KSR2: variants seen among roughly 807,000 people sequenced by gnomAD.
KSR2 encodes the protein kinase suppressor of ras 2.
A neutral mutation model predicts 107.8 loss-of-function variants in KSR2; 25 were observed. The observed-to-expected ratio is 0.23, with a 90% CI of 0.17 to 0.32. The LOEUF (loss-of-function observed/expected upper bound fraction) is 0.32, where lower values mean the gene tolerates loss of function less well. KSR2 is among the 10% of genes least tolerant of loss of function. KSR2 has a pLI of 1.00. For missense variants in KSR2, 887 were observed against 1,268.9 expected (o/e 0.70, Z 4.57); for synonymous variants, 480 against 507.0 (o/e 0.95, Z 0.71).
At chr12:117,549,216 G>T (rs1471146427) in intron 9 of KSR2, among the ~76,000 whole-genome samples, 1 of 152,180 alleles carries the variant, frequency 6.6e-6, no homozygotes, top group Admixed American at 6.5e-5. Flanking sequence ...GTGACGTGTG[G>T]AGTGAAGATT....
Position 117,465,523 on chromosome 12 carries a change from G to A in KSR2, c.*1676C>T, listed in dbSNP as rs1191162771. On this transcript the variant is annotated 3_prime_UTR_variant, in exon 20 of 20. Coordinates refer to ENST00000339824, the MANE Select transcript of KSR2 (RefSeq NM_173598.6). ...ACCATTCTTCCCGGTTTGGAAGCAGGTTTGGCCCCCAGAGCATGAACCAGT... is the reference window on the plus strand; with the variant it reads ...ACCATTCTTCCCGGTTTGGAAGCAGATTTGGCCCCCAGAGCATGAACCAGT... 6.6e-6 allele frequency: 1 copy of A among 152,222 alleles called. No individual in the cohort carries two copies. The highest frequency in any genetic ancestry group is 2.4e-5 in the African/African-American group (1 of 41,444). 9.4% of individuals were successfully genotyped at this position (152,222 alleles called of 1,614,324 possible). A position where few individuals can be genotyped will look rare whatever the true frequency, so the allele number is the denominator to read the frequency against.
intron 14 of KSR2, among the ~76,000 whole-genome samples, chr12:117,516,863 A>G (rs1282123424): frequency 6.6e-6 from 1 of 152,186 alleles, no homozygotes; most frequent in Non-Finnish European, 1.5e-5. Context: ...TGTGTCTCAG[A>G]GCTCCTGGCT....
At chr12:117,754,871 G>GA (rs1432032720) in intron 4 of KSR2, among the ~76,000 whole-genome samples, 1 of 152,198 alleles carries the variant, frequency 6.6e-6, no homozygotes, top group Non-Finnish European at 1.5e-5. Context: ...TTGTGTGCTT[G>GA]AAAAATCACA....
intron 3 of KSR2, among the ~76,000 whole-genome samples, chr12:117,816,417 C>T (rs999555869): frequency 6.6e-6 from 1 of 152,176 alleles, no homozygotes; most frequent in African/African-American, 2.4e-5. Context: ...TGTGTCCTGT[C>T]CCAATTGCTG....
intron 1 of KSR2, among the ~76,000 whole-genome samples, chr12:117,940,811 C>T (rs1048982421): frequency 3.3e-5 from 5 of 152,174 alleles, no homozygotes; most frequent in South Asian, 2.1e-4. Context: ...TTGAGCCAGG[C>T]GCAGTGGCTC....
At chr12:117,850,067 G>A (rs2137202192) in intron 3 of KSR2, among the ~76,000 whole-genome samples, 1 of 152,348 alleles carries the variant, frequency 6.6e-6, no homozygotes, top group South Asian at 2.1e-4. Flanking sequence ...CAACTCCCAA[G>A]ATGGTTAGAA....
intron 1 of KSR2, among the ~76,000 whole-genome samples, chr12:117,883,052 C>A (rs1474722851): frequency 6.6e-6 from 1 of 152,140 alleles, no homozygotes; most frequent in Non-Finnish European, 1.5e-5. Context: ...TCTCTCCCTC[C>A]CTCCCTCCAT....
intron 1 of KSR2, among the ~76,000 whole-genome samples, chr12:117,874,154 C>G (rs1034088599): frequency 6.6e-6 from 1 of 152,218 alleles, no homozygotes; most frequent in African/African-American, 2.4e-5. Context: ...TCATCTTAAT[C>G]TACCAACATC....
rs1870960272 is a variant in KSR2, at chr12:117,462,616, C to T, written c.*4583G>A. 1 of 152,220 alleles carries T rather than the reference C, an allele frequency of 6.6e-6. No individual in the cohort carries two copies. The highest frequency in any genetic ancestry group is 2.4e-5 in the African/African-American group (1 of 41,434). The allele number at this position is 152,220 out of a possible 1,614,324, so 9.4% of individuals were successfully genotyped here. The stretch of plus-strand genomic sequence containing the variant: ...GCATCCAGATGGGTGAGAGATGATA[C>T]ATCTGTTGTTGTAGGCCCCAGTGGG... On this transcript the variant is annotated 3_prime_UTR_variant, in exon 20 of 20. Transcript: ENST00000339824.
At chr12:117,649,890 T>C (rs1390442790) in intron 5 of KSR2, among the ~76,000 whole-genome samples, 1 of 152,224 alleles carries the variant, frequency 6.6e-6, no homozygotes, top group Non-Finnish European at 1.5e-5. Flanking sequence ...ATTCAGGTCA[T>C]GAACTGATCT....
At position 117,598,096 on chromosome 12, in the gene KSR2, G is replaced by C. The variant is rs370139657; in HGVS notation, c.1172-15737C>G. ...TGGTGCACCCATCACCCAAGCAGTG[G>C]ACATTGCACCCCATGTGTAGTCTTT... On this transcript the variant is annotated intron_variant, in intron 5 of 19. Coordinates refer to ENST00000339824, the MANE Select transcript of KSR2 (RefSeq NM_173598.6). 3.9e-5 allele frequency among the ~76,000 whole-genome samples: 6 copies of C among 152,242 alleles called. 1 individual carries two copies. The highest frequency in any genetic ancestry group is 1.4e-4 in the African/African-American group (6 of 41,548).
intron 14 of KSR2, among the ~76,000 whole-genome samples, chr12:117,494,394 G>A (rs1872912769): frequency 6.6e-6 from 1 of 152,142 alleles, no homozygotes; most frequent in Non-Finnish European, 1.5e-5. Flanking sequence ...TTAAAACAAA[G>A]GTGGCTGGCA....
intron 7 of KSR2, among the ~76,000 whole-genome samples, chr12:117,576,172 G>A (rs1879272752): frequency 6.6e-6 from 1 of 152,182 alleles, no homozygotes; most frequent in South Asian, 2.1e-4. Flanking sequence ...CTTGGGAAGT[G>A]TTCAGCCTCA....
intron 4 of KSR2, among the ~76,000 whole-genome samples, chr12:117,740,438 T>TA (rs1288868821): frequency 1.2e-5 from 1 of 81,196 alleles, no homozygotes; most frequent in Non-Finnish European, 3.0e-5. Flanking sequence ...ATATATTACA[T>TA]TAATATATGT....
chr12:117,532,219 A>T (rs1875695257), intron 10 of KSR2, among the ~76,000 whole-genome samples: 1 of 152,352 alleles, frequency 6.6e-6, no homozygotes, highest in Non-Finnish European at 1.5e-5. Context: ...ACAGTTCTGG[A>T]GGACAAAAGT....
chr12:117,900,361 A>C (rs1894644127), intron 1 of KSR2, among the ~76,000 whole-genome samples: 1 of 152,184 alleles, frequency 6.6e-6, no homozygotes, highest in Non-Finnish European at 1.5e-5. Flanking sequence ...AACAGACCCT[A>C]TAAGAAAGAA....
At chr12:117,887,273 A>G (rs1364660994) in intron 1 of KSR2, among the ~76,000 whole-genome samples, 1 of 147,920 alleles carries the variant, frequency 6.8e-6, no homozygotes, top group Admixed American at 6.7e-5. Context: ...GTTTTGTTTC[A>G]TTTTGTTTTG....
intron 4 of KSR2, among the ~76,000 whole-genome samples, chr12:117,713,886 C>A (rs1184222254): frequency 6.6e-6 from 1 of 152,190 alleles, no homozygotes; most frequent in African/African-American, 2.4e-5. Context: ...CTCCCTGATG[C>A]CAGCAACCCA....
At chr12:117,656,961 AGG>A (rs1565947076) in intron 5 of KSR2, among the ~76,000 whole-genome samples, 1 of 82,318 alleles carries the variant, frequency 1.2e-5, no homozygotes, top group Non-Finnish European at 2.0e-5. Flanking sequence ...TATATATAAT[AGG>A]ATATATATAT....
Sources: allele counts gnomAD v4.1 joint callset (sites outside exome capture counted in the v4.1 genomes callset), GRCh38; gene constraint gnomAD v4.1.1; transcripts MANE v1.5; gene names NCBI Gene and HGNC (gene_info 2026-07-23, HGNC 2026-07-21).